Variants in DHRS9 observed in about 807,000 individuals in gnomAD.
The protein encoded by DHRS9 is dehydrogenase/reductase 9.
Under a neutral mutation model 26.6 loss-of-function variants are expected in DHRS9, and 18 were observed. The ratio of observed to expected loss-of-function variants is 0.68; its 90% confidence interval spans 0.47 to 1.00. DHRS9 has a LOEUF of 1.00. Ranked by LOEUF, DHRS9 falls within the 50% of genes least tolerant of loss-of-function variation. The pLI, the probability that DHRS9 is intolerant of heterozygous loss-of-function variation, is 0.00. For missense variants in DHRS9, 425 were observed against 378.7 expected (o/e 1.12, Z -1.01); for synonymous variants, 134 against 141.1 (o/e 0.95, Z 0.36).
At chr2:169,067,176 C>T (rs151018449), upstream of DHRS9, 24 of 1,535,620 alleles carry the variant, frequency 1.6e-5, no homozygotes, top group African/African-American at 3.3e-4. Flanking sequence ...ACTGTGCATG[C>T]TCTATCACCA....
chr2:169,074,504 G>A, intron 1 of DHRS9: 1 of 961,836 alleles, frequency 1.0e-6, no homozygotes, highest in African/African-American at 1.8e-5. Flanking sequence ...GGGACCAAGG[G>A]GCCGTGCAGA....
At chr2:169,080,753 C>T (rs1398690481) in intron 1 of DHRS9, among the ~76,000 whole-genome samples, 1 of 152,136 alleles carries the variant, frequency 6.6e-6, no homozygotes, top group Non-Finnish European at 1.5e-5. Context: ...ATCCTTTGTC[C>T]ATGTGATTTT....
intron 4 of DHRS9, among the ~76,000 whole-genome samples, chr2:169,093,183 C>G (rs1335875245): frequency 6.6e-6 from 1 of 152,154 alleles, no homozygotes; most frequent in Admixed American, 6.5e-5. Flanking sequence ...CCAAACTGTG[C>G]TCAGGCCTCT....
chr2:169,092,641 G>A (rs1372628321), intron 4 of DHRS9, among the ~76,000 whole-genome samples: 1 of 152,182 alleles, frequency 6.6e-6, no homozygotes, highest in African/African-American at 2.4e-5. Context: ...TGAATAAGAG[G>A]AAAGGACAGG....
intron 1 of DHRS9, chr2:169,074,552 T>C: frequency 1.6e-6 from 1 of 609,732 alleles, no homozygotes; most frequent in Non-Finnish European, 2.1e-6. Context: ...GAGGTAGCCC[T>C]ATTAGCCTTT....
chr2:169,071,063 C>CA lies in DHRS9; in HGVS notation c.-60+1358dup, dbSNP rs568589600. On this transcript the variant is annotated intron_variant, in intron 1 of 4. Transcript: ENST00000674881. Reference sequence around the variant, plus strand: ...TGGGCGACAGAGCGAGACTCCGTCTCAAAAAAAAAAAACAACAACAACAAA... The same window carrying CA: ...TGGGCGACAGAGCGAGACTCCGTCTCAAAAAAAAAAAAACAACAACAACAAA... Among the ~76,000 whole-genome samples, 1,243 of 132,948 alleles carry CA rather than the reference C, an allele frequency of 9.3e-3. 11 individuals are homozygous for CA. The highest frequency in any genetic ancestry group is 0.086 in the East Asian group (392 of 4,578). 87.2% of individuals were successfully genotyped at this position (132,948 alleles called of 152,430 possible). A position where few individuals can be genotyped will look rare whatever the true frequency, so the allele number is the denominator to read the frequency against.
chr2:169,085,131 A>G lies in DHRS9; in HGVS notation c.572+1544A>G, dbSNP rs540729670. ...TACATGTTCTTGACACCTTTGTCAA[A>G]AACGAATCATTGTAGATGTATGGAT... is the stretch of plus-strand genomic sequence containing the variant. On this transcript the variant is annotated intron_variant, in intron 3 of 4. Coordinates refer to ENST00000674881, the MANE Select transcript of DHRS9 (RefSeq NM_001376924.1). Among the ~76,000 whole-genome samples the G allele has an allele frequency of 1.7e-4, 26 of 152,296 alleles. No homozygotes were observed. The South Asian group carries it at 5.4e-3, about 32-fold the overall frequency.
At chr2:169,074,002 G>C (rs1035336807) in intron 1 of DHRS9, among the ~76,000 whole-genome samples, 1 of 152,122 alleles carries the variant, frequency 6.6e-6, no homozygotes, top group Non-Finnish European at 1.5e-5. Flanking sequence ...GAGAGTAGAG[G>C]CCAGAGATGC....
At chr2:169,069,467 T>A, upstream of DHRS9, 5 of 985,456 alleles carry the variant, frequency 5.1e-6, no homozygotes, top group South Asian at 1.4e-4. Flanking sequence ...TTGGCTTTTA[T>A]GAGCTATTCA....
In DHRS9 at chr2:169,081,888, G is replaced by A; in HGVS notation, c.307G>A (p.Glu103Lys). 1 of 1,602,434 alleles carries A rather than the reference G, an allele frequency of 6.2e-7. No homozygotes were observed. Among genetic ancestry groups the A allele is most frequent in the African/African-American group, 1.3e-5 (1 of 74,636 alleles). Residue 103 changes from glutamate to lysine, a missense_variant, in exon 2 of 5, where the codon GAG becomes AAG. Physicochemically the swap from Glu to Lys is moderately conservative, Grantham distance 56. Coordinates refer to ENST00000674881, the MANE Select transcript of DHRS9 (RefSeq NM_001376924.1). ...TAQWVKNQVG[E>K]KGLWGLINNA... ...CCAGTGGGTGAAGAACCAAGTTGGG[G>A]AGAAAGGTGAGAGACATGGAAGTGG...
At position 169,081,848 on chromosome 2, in the gene DHRS9, T is replaced by C. The variant is rs1239236316; in HGVS notation, c.267T>C (p.Asn89=). The change falls in exon 2 of 5, where the codon AAT becomes AAC. Residue 89 remains asparagine (N), a synonymous_variant. Transcript: ENST00000674881. ...TVLLDVTDPE[N]VKRTAQWVKN... ...TTCTGGATGTGACCGACCCAGAGAA[T>C]GTCAAGAGGACTGCCCAGTGGGTGA... 2 of 1,613,442 alleles carry C rather than the reference T, an allele frequency of 1.2e-6. No homozygotes were observed. The highest frequency in any genetic ancestry group is 2.2e-5 in the East Asian group (1 of 44,874).
chr2:169,088,807 T>C (rs1684432395), intron 3 of DHRS9, among the ~76,000 whole-genome samples: 1 of 152,212 alleles, frequency 6.6e-6, no homozygotes, highest in African/African-American at 2.4e-5. Context: ...ATTTAGGGAA[T>C]CATATAGAAA....
chr2:169,073,764 A>G (rs756709021), intron 1 of DHRS9, among the ~76,000 whole-genome samples: 1 of 152,290 alleles, frequency 6.6e-6, no homozygotes, highest in East Asian at 1.9e-4. Flanking sequence ...CAACTTTTCC[A>G]TGAGGCCATT....
At chr2:169,093,885 G>T (rs1684612434) in intron 4 of DHRS9, among the ~76,000 whole-genome samples, 4 of 152,050 alleles carry the variant, frequency 2.6e-5, no homozygotes, top group African/African-American at 9.6e-5. Flanking sequence ...TGGCCAGTGG[G>T]ACTTGAAGTT....
upstream of DHRS9, among the ~76,000 whole-genome samples, chr2:169,067,801 G>C (rs1331686458): frequency 2.0e-5 from 3 of 152,190 alleles, no homozygotes; most frequent in East Asian, 5.8e-4. Context: ...CTGCTAACAT[G>C]ACTTCATTAA....
At chr2:169,095,125 T>C (rs75603382) in intron 4 of DHRS9, among the ~76,000 whole-genome samples, 40 of 152,278 alleles carry the variant, frequency 2.6e-4, no homozygotes, top group African/African-American at 9.4e-4. Flanking sequence ...TTTCTAGGCT[T>C]AGGGGCCTCA....
chr2:169,090,319 G>A (rs750038968), intron 3 of DHRS9, among the ~76,000 whole-genome samples: 1 of 152,194 alleles, frequency 6.6e-6, no homozygotes, highest in Non-Finnish European at 1.5e-5. Flanking sequence ...CTTGTCCCTA[G>A]TACGTTATTT....
intron 3 of DHRS9, among the ~76,000 whole-genome samples, chr2:169,091,101 C>A (rs987502773): frequency 1.3e-5 from 2 of 152,066 alleles, no homozygotes; most frequent in Non-Finnish European, 2.9e-5. Context: ...ATGAGTTTAT[C>A]AGGATGTGAC....
At chr2:169,080,234 G>A (rs912761155) in intron 1 of DHRS9, among the ~76,000 whole-genome samples, 2 of 152,098 alleles carry the variant, frequency 1.3e-5, no homozygotes, top group Non-Finnish European at 2.9e-5. Context: ...AAGATTAAGG[G>A]CAAAGATATT....
Sources: gnomAD v4.1 joint callset for allele counts (sites outside exome capture counted in the v4.1 genomes callset) on GRCh38, gnomAD v4.1.1 for gene constraint, MANE v1.5 for transcripts, NCBI Gene and HGNC (gene_info 2026-07-23, HGNC 2026-07-21) for gene names.